Variants in CA10 observed in about 807,000 individuals in gnomAD.
CA10 encodes carbonic anhydrase-related protein 10.
CA10 carries 14 observed loss-of-function variants against 44.2 expected under a neutral mutation model. That is an observed-to-expected ratio of 0.32 (90% CI 0.21 to 0.50). The LOEUF is 0.50. Among genes scored for constraint, CA10 ranks in the 20% least tolerant of loss-of-function variants. The pLI, the probability that CA10 is intolerant of heterozygous loss-of-function variation, is 0.99. For synonymous variants in CA10, 159 were observed against 141.6 expected (o/e 1.12, Z -0.87); for missense variants, 350 against 409.7 (o/e 0.85, Z 1.26).
intron 3 of CA10, among the ~76,000 whole-genome samples, chr17:51,918,719 A>AT (rs1468415252): frequency 2.0e-5 from 3 of 152,186 alleles, no homozygotes; most frequent in Non-Finnish European, 1.5e-5. Context: ...CTCTCGCCTT[A>AT]CTGAATAGAC....
At chr17:52,060,260 A>G (rs774138550) in intron 2 of CA10, among the ~76,000 whole-genome samples, 28 of 152,128 alleles carry the variant, frequency 1.8e-4, no homozygotes, top group Admixed American at 1.6e-3. Flanking sequence ...ATTTCTCAAA[A>G]CTGTCAGTCA....
rs1231970337 is a variant in CA10 at position 52,075,349 on chromosome 17, G to T, written c.62-2956C>A. Among the ~76,000 whole-genome samples the T allele has an allele frequency of 2.6e-5, 4 of 152,098 alleles. No homozygotes were observed. In the East Asian group the frequency reaches 7.7e-4, roughly 29 times the overall value. On this transcript the variant is annotated intron_variant, in intron 1 of 8. Coordinates refer to ENST00000451037, the MANE Select transcript of CA10 (RefSeq NM_020178.5). ...TTAGAGATTCCAGAATCCACAAGTG[G>T]CATTTCTCTCAATGGTATGTGGTTT...
intron 2 of CA10, among the ~76,000 whole-genome samples, chr17:52,055,264 C>T (rs1257253671): frequency 1.3e-5 from 2 of 149,540 alleles, no homozygotes; most frequent in Admixed American, 6.7e-5. Flanking sequence ...GATGAACTGT[C>T]AGTAAAGTGT....
chr17:51,983,992 T>G (rs2144091994), intron 2 of CA10, among the ~76,000 whole-genome samples: 1 of 151,800 alleles, frequency 6.6e-6, no homozygotes, highest in South Asian at 2.1e-4. Flanking sequence ...TATGCAAGAG[T>G]TGACTTTGAA....
At chr17:52,137,575 G>A (rs907014686) in intron 1 of CA10, among the ~76,000 whole-genome samples, 8 of 152,126 alleles carry the variant, frequency 5.3e-5, no homozygotes, top group Non-Finnish European at 1.2e-4. Context: ...CTTCTTGACT[G>A]TCAGCTTTGA....
intron 3 of CA10, among the ~76,000 whole-genome samples, chr17:51,929,490 C>T (rs2143990455): frequency 6.6e-6 from 1 of 152,240 alleles, no homozygotes; most frequent in East Asian, 1.9e-4. Flanking sequence ...TTGCTGGCTA[C>T]CTTTCAGCTG....
At chr17:51,835,432 C>T (rs1037944689) in intron 3 of CA10, among the ~76,000 whole-genome samples, 1 of 152,236 alleles carries the variant, frequency 6.6e-6, no homozygotes, top group Non-Finnish European at 1.5e-5. Context: ...GACAACACAG[C>T]TGTACTTCTT....
At chr17:51,882,773 T>C (rs1980434113) in intron 3 of CA10, among the ~76,000 whole-genome samples, 1 of 152,202 alleles carries the variant, frequency 6.6e-6, no homozygotes, top group Non-Finnish European at 1.5e-5. Flanking sequence ...TTTGTCAGCT[T>C]ACAGACCTAA....
chr17:52,144,837 C>T (rs1040804147), intron 1 of CA10, among the ~76,000 whole-genome samples: 4 of 152,176 alleles, frequency 2.6e-5, no homozygotes, highest in African/African-American at 7.2e-5. Context: ...TTATCAAGTG[C>T]ATTCTATATG....
intron 6 of CA10, among the ~76,000 whole-genome samples, chr17:51,647,425 T>G (rs149518811): frequency 7.1e-4 from 108 of 152,076 alleles, no homozygotes; most frequent in African/African-American, 2.3e-3. Flanking sequence ...CCTCCCTCCC[T>G]TTCTTCCTTT....
chr17:51,658,594 A>G (rs1913886666), intron 4 of CA10, among the ~76,000 whole-genome samples: 1 of 152,186 alleles, frequency 6.6e-6, no homozygotes, highest in African/African-American at 2.4e-5. Context: ...GATAGGGACA[A>G]GCGGCTAGGA....
rs75839414 is a variant in CA10, at chr17:51,698,151, C to T, written c.466-44415G>A. ...TGCTTCCTCATCACCTTGCCAGACA[C>T]AGCAGATGCTGCTGCTGCTACTGTT... On this transcript the variant is annotated intron_variant, in intron 4 of 8. Transcript: ENST00000451037. Among the ~76,000 whole-genome samples the T allele has an allele frequency of 3.9e-5, 6 of 152,344 alleles. No individual in the cohort carries two copies. In the East Asian group the frequency reaches 1.2e-3, roughly 29 times the overall value.
chr17:51,999,034 T>C (rs1467828561), intron 2 of CA10, among the ~76,000 whole-genome samples: 1 of 152,098 alleles, frequency 6.6e-6, no homozygotes, highest in African/African-American at 2.4e-5. Flanking sequence ...TTAATGATAC[T>C]TGTCTTGAGT....
intron 2 of CA10, among the ~76,000 whole-genome samples, chr17:51,990,917 T>C (rs528460354): frequency 2.6e-5 from 4 of 152,042 alleles, no homozygotes; most frequent in Non-Finnish European, 5.9e-5. Context: ...TTGCCTCAAA[T>C]AAAACAGATA....
At chr17:51,833,588 T>C (rs1908364444) in intron 3 of CA10, among the ~76,000 whole-genome samples, 1 of 152,234 alleles carries the variant, frequency 6.6e-6, no homozygotes, top group Non-Finnish European at 1.5e-5. Flanking sequence ...CACAGAGCTG[T>C]GTTCAAACCA....
At chr17:51,713,929 G>T (rs1377413932) in intron 4 of CA10, among the ~76,000 whole-genome samples, 1 of 152,162 alleles carries the variant, frequency 6.6e-6, no homozygotes, top group East Asian at 1.9e-4. Context: ...ACCTTCTTGT[G>T]GTCCTTGATT....
intron 2 of CA10, among the ~76,000 whole-genome samples, chr17:52,036,283 CTTG>C (rs1986615973): frequency 6.6e-6 from 1 of 152,188 alleles, no homozygotes; most frequent in Non-Finnish European, 1.5e-5. Flanking sequence ...CATTCGAAAT[CTTG>C]TTTATTTTAA....
At chr17:51,790,560 T>C (rs1007699067) in intron 3 of CA10, among the ~76,000 whole-genome samples, 1 of 152,206 alleles carries the variant, frequency 6.6e-6, no homozygotes, top group Non-Finnish European at 1.5e-5. Flanking sequence ...AAAAATGAAC[T>C]GCAATTTATT....
intron 3 of CA10, among the ~76,000 whole-genome samples, chr17:51,823,257 C>T (rs1269711405): frequency 2.0e-5 from 3 of 152,180 alleles, no homozygotes; most frequent in African/African-American, 4.8e-5. Context: ...CAGCAAAGGG[C>T]CACATGGCTG....
Sources: gnomAD v4.1 joint callset for allele counts (sites outside exome capture counted in the v4.1 genomes callset) on GRCh38, gnomAD v4.1.1 for gene constraint, MANE v1.5 for transcripts, NCBI Gene and HGNC (gene_info 2026-07-23, HGNC 2026-07-21) for gene names.